ITIH2: variants seen among roughly 807,000 people sequenced by gnomAD.
ITIH2 encodes inter-alpha-trypsin inhibitor heavy chain H2.
A neutral mutation model predicts 104.4 loss-of-function variants in ITIH2; 103 were observed. That is an observed-to-expected ratio of 0.99 (90% CI 0.84 to 1.16). The LOEUF (loss-of-function observed/expected upper bound fraction) is 1.16, where lower values mean the gene tolerates loss of function less well. Ranked by LOEUF, ITIH2 falls within the 50% of genes most tolerant of loss-of-function variation. The probability of loss-of-function intolerance (pLI) is 0.00; values close to 1 mark genes in which losing one functional copy is unlikely to be tolerated. For missense variants in ITIH2, 1,108 were observed against 1,162.4 expected (o/e 0.95, Z 0.68); for synonymous variants, 436 against 435.4 (o/e 1.00, Z -0.02).
chr10:7,710,546 A>G (rs1834787719), intron 4 of ITIH2, among the ~76,000 whole-genome samples: 2 of 152,298 alleles, frequency 1.3e-5, no homozygotes, highest in Admixed American at 6.5e-5. Flanking sequence ...TTATGAAGAC[A>G]TTAGGTTGAA....
chr10:7,709,644 A>T (rs1834777981), intron 4 of ITIH2, among the ~76,000 whole-genome samples: 1 of 152,098 alleles, frequency 6.6e-6, no homozygotes, highest in Non-Finnish European at 1.5e-5. Context: ...ACCGCTGACA[A>T]GTGTGTGATG....
At chr10:7,735,292 T>C (rs1835043937) in intron 15 of ITIH2, among the ~76,000 whole-genome samples, 1 of 152,224 alleles carries the variant, frequency 6.6e-6, no homozygotes, top group African/African-American at 2.4e-5. Context: ...CTCACAAGTT[T>C]CCCAAAGGAA....
At position 7,726,064 on chromosome 10, in the gene ITIH2, T is replaced by G. The variant is rs375761879; in HGVS notation, c.985-886T>G. Among the ~76,000 whole-genome samples, 6 of 152,194 alleles carry G rather than the reference T, an allele frequency of 3.9e-5. No homozygotes were observed. The East Asian group carries it at 1.2e-3, about 29-fold the overall frequency. On this transcript the variant is annotated intron_variant, in intron 9 of 20. Coordinates refer to ENST00000358415, the MANE Select transcript of ITIH2 (RefSeq NM_002216.3). ...AGATGGACCTTTGGATTTAGTGACA[T>G]TAGCATCATTGGTGACCTTGACAAG...
Position 7,734,823 on chromosome 10 carries a change from T to C in ITIH2, c.1788-99T>C, listed in dbSNP as rs892214358. On this transcript the variant is annotated intron_variant, in intron 14 of 20. Transcript: ENST00000358415. Reference sequence around the variant, plus strand: ...TTTGCGGCTCCGCCCCACCCCCAGGTTGGACCCCAGCAGTGGTGGGGTGCA... The same window carrying C: ...TTTGCGGCTCCGCCCCACCCCCAGGCTGGACCCCAGCAGTGGTGGGGTGCA... 3 of 1,007,924 alleles carry C rather than the reference T, an allele frequency of 3.0e-6. No individual in the cohort carries two copies. The African/African-American group carries it at 4.8e-5, about 16-fold the overall frequency. The allele number at this position is 1,007,924 out of a possible 1,614,324, so 62.4% of individuals were successfully genotyped here.
At chr10:7,731,673 C>T (rs1352076574) in intron 12 of ITIH2, 138 bp from the exon 13 acceptor site, 4 of 528,706 alleles carry the variant, frequency 7.6e-6, no homozygotes, top group Admixed American at 3.8e-5. Flanking sequence ...TGCAGTGAGA[C>T]GAGATCCCAC....
intron 17 of ITIH2, 28 bp from the exon 18 acceptor site, chr10:7,744,054 G>A (rs1162619511): frequency 1.2e-5 from 19 of 1,590,190 alleles, no homozygotes; most frequent in Non-Finnish European, 1.6e-5. Context: ...GCACAGAAGA[G>A]AAAACATCAT....
At chr10:7,743,733 A>G (rs1198987975) in intron 17 of ITIH2, among the ~76,000 whole-genome samples, 6 of 152,166 alleles carry the variant, frequency 3.9e-5, no homozygotes, top group Non-Finnish European at 5.9e-5. Context: ...GTGAGCCAAG[A>G]TCACACCATT....
chr10:7,744,685 G>A lies in ITIH2; in HGVS notation c.2409-106G>A, dbSNP rs534995460. The A allele has an allele frequency of 5.9e-5, 53 of 893,204 alleles. 1 individual carries two copies. The African/African-American group carries it at 6.3e-4, about 11-fold the overall frequency. The allele number at this position is 893,204 out of a possible 1,614,324, so 55.3% of individuals were successfully genotyped here. ...TGTTGCAAGCGCTTAGATAACTAGCGGAATTGTCTGGGAGGAGTGAAGAGT... is the reference window on the plus strand; with the variant it reads ...TGTTGCAAGCGCTTAGATAACTAGCAGAATTGTCTGGGAGGAGTGAAGAGT... On this transcript the variant is annotated intron_variant, in intron 18 of 20. Transcript: ENST00000358415.
intron 20 of ITIH2, among the ~76,000 whole-genome samples, chr10:7,748,564 CAG>C (rs1420526032): frequency 3.0e-5 from 1 of 33,278 alleles, no homozygotes; most frequent in East Asian, 9.6e-4. Context: ...TTTTTAGTGA[CAG>C]AGTCTTGCTC....
At position 7,730,143 on chromosome 10, in the gene ITIH2, T is replaced by A. The variant is rs1834988330; in HGVS notation, c.1461+10T>A. 6.3e-7 allele frequency: 1 copy of A among 1,576,098 alleles called. No individual in the cohort carries two copies. Among genetic ancestry groups the A allele is most frequent in the Non-Finnish European group, 8.6e-7 (1 of 1,160,316 alleles). On this transcript the variant is annotated intron_variant, in intron 12 of 20. Transcript: ENST00000358415. ...GTCTTCCCAGCTTAAGGTAACATTT[T>A]CTTCTGTTCTTTTTTTATTCTTCAC...
chr10:7,709,749 A>G (rs1834779207), intron 4 of ITIH2, among the ~76,000 whole-genome samples: 1 of 152,140 alleles, frequency 6.6e-6, no homozygotes, highest in Admixed American at 6.6e-5. Context: ...AATATTTTCC[A>G]CTTTCTACCC....
intron 17 of ITIH2, among the ~76,000 whole-genome samples, 185 bp downstream of exon 17, chr10:7,743,444 TGAG>T (rs1835146090): frequency 6.6e-6 from 1 of 152,172 alleles, no homozygotes; most frequent in African/African-American, 2.4e-5. Flanking sequence ...ATATATACTC[TGAG>T]TATGAACTTG....
chr10:7,745,880 G>A (rs1292492432), intron 19 of ITIH2, among the ~76,000 whole-genome samples: 7 of 150,900 alleles, frequency 4.6e-5, no homozygotes, highest in African/African-American at 7.3e-5. Context: ...TCAGCCTCCC[G>A]AGTAGCTGGG....
rs1411774716 is a variant in ITIH2, at chr10:7,709,131, C to A, written c.302C>A (p.Pro101His). The change falls in exon 4 of 21, where the codon CCT becomes CAT. Residue 101 changes from proline to histidine, a missense_variant. By Grantham distance (77) the Pro-to-His change is moderately conservative. Coordinates refer to ENST00000358415, the MANE Select transcript of ITIH2 (RefSeq NM_002216.3). ...AAAGTGGTGAACAATTCCCCGCAGCCTCAGAATGTCGTGTTTGATGTTCAG... is the reference window on the plus strand; with the variant it reads ...AAAGTGGTGAACAATTCCCCGCAGCATCAGAATGTCGTGTTTGATGTTCAG... ...QSKVVNNSPQ[P>H]QNVVFDVQIP... The A allele has an allele frequency of 4.3e-6, 7 of 1,613,998 alleles. No homozygotes were observed. Among genetic ancestry groups the A allele is most frequent in the Non-Finnish European group, 5.9e-6 (7 of 1,180,030 alleles).
chr10:7,724,945 T>C (rs1343115781), intron 9 of ITIH2, among the ~76,000 whole-genome samples: 2 of 152,138 alleles, frequency 1.3e-5, no homozygotes, highest in Non-Finnish European at 2.9e-5. Context: ...CACTCATTCA[T>C]TTAACAAATA....
chr10:7,723,376 AGTCCCCAG>A (rs1387078784), intron 8 of ITIH2, 67 bp from the exon 9 acceptor site: 8 of 923,686 alleles, frequency 8.7e-6, no homozygotes, highest in African/African-American at 1.6e-5. Context: ...CTCTTCTCTG[AGTCCCCAG>A]GTCCCCATCT....
chr10:7,709,354 C>T (rs1834775497), intron 4 of ITIH2, among the ~76,000 whole-genome samples, 163 bp downstream of exon 4: 3 of 152,126 alleles, frequency 2.0e-5, no homozygotes, highest in Non-Finnish European at 4.4e-5. Flanking sequence ...CTCTTCAAAG[C>T]GTTAGAACTT....
At chr10:7,727,307 A>G (rs1316039105) in intron 10 of ITIH2, among the ~76,000 whole-genome samples, 189 bp downstream of exon 10, 1 of 152,262 alleles carries the variant, frequency 6.6e-6, no homozygotes, top group South Asian at 2.1e-4. Context: ...TACAGCCCAC[A>G]TAAGCTTTGA....
rs567940589 is a variant in ITIH2 at position 7,741,371 on chromosome 10, G to A, written c.2096-1775G>A. Among the ~76,000 whole-genome samples, 3 of 151,910 alleles carry A rather than the reference G, an allele frequency of 2.0e-5. No individual in the cohort carries two copies. In the East Asian group the frequency reaches 5.8e-4, roughly 29 times the overall value. On this transcript the variant is annotated intron_variant, in intron 16 of 20. Coordinates refer to ENST00000358415, the MANE Select transcript of ITIH2 (RefSeq NM_002216.3). ...TTTTTTGTATTTTTAGTAGAGGCGG[G>A]GTTTCACTATGCTGGCCAGGCTGGT...
Sources: gnomAD v4.1 joint callset for allele counts (sites outside exome capture counted in the v4.1 genomes callset) on GRCh38, gnomAD v4.1.1 for gene constraint, MANE v1.5 for transcripts, NCBI Gene and HGNC (gene_info 2026-07-23, HGNC 2026-07-21) for gene names.